The following ABCC4 variants were observed in gnomAD, a reference collection of about 807,000 sequenced individuals.
ABCC4 encodes ATP-binding cassette sub-family C member 4.
Under a neutral mutation model 168.5 loss-of-function variants are expected in ABCC4, and 102 were observed. The observed-to-expected ratio is 0.61, with a 90% CI of 0.52 to 0.71. ABCC4 has a LOEUF of 0.71. ABCC4 is among the 30% of genes least tolerant of loss of function. The pLI is 0.00. For synonymous variants in ABCC4, 617 were observed against 590.7 expected, an observed-to-expected ratio of 1.04 and a Z score of -0.65; for missense variants, 1,402 against 1,605.8, an observed-to-expected ratio of 0.87 and a Z score of 2.17.
At chr13:95,253,853 A>G (rs1383029515) in intron 1 of ABCC4, among the ~76,000 whole-genome samples, 1 of 152,152 alleles carries the variant, frequency 6.6e-6, no homozygotes, top group Non-Finnish European at 1.5e-5. Flanking sequence ...TGTTCCTTCA[A>G]ATGTGGGCAA....
At chr13:95,104,243 A>G (rs2034918102) in intron 20 of ABCC4, among the ~76,000 whole-genome samples, 1 of 152,074 alleles carries the variant, frequency 6.6e-6, no homozygotes, top group Admixed American at 6.6e-5. Flanking sequence ...CCTCCCAAGT[A>G]GCTGGGATTA....
chr13:95,207,714 A>G (rs2038822260), intron 7 of ABCC4, 86 bp downstream of exon 7: 7 of 1,432,198 alleles, frequency 4.9e-6, no homozygotes, highest in Non-Finnish European at 6.7e-6. Flanking sequence ...CCATAATGTG[A>G]AAACATAGTA....
chr13:95,044,713 G>C (rs1342881678), intron 27 of ABCC4, among the ~76,000 whole-genome samples: 1 of 152,142 alleles, frequency 6.6e-6, no homozygotes, highest in African/African-American at 2.4e-5. Context: ...GCAGGGTCAC[G>C]TGTTAATACT....
chr13:95,054,508 A>G (rs533395996), intron 26 of ABCC4, among the ~76,000 whole-genome samples: 8 of 151,982 alleles, frequency 5.3e-5, no homozygotes, highest in African/African-American at 1.9e-4. Context: ...AGATTCCGTC[A>G]CTGCACTCCA....
At chr13:95,058,345 C>T (rs1356074524) in intron 26 of ABCC4, among the ~76,000 whole-genome samples, 2 of 151,324 alleles carry the variant, frequency 1.3e-5, no homozygotes, top group East Asian at 1.9e-4. Flanking sequence ...CTGAGGCAGG[C>T]GGATCACAAG....
chr13:95,259,793 A>G (rs2040483832), intron 1 of ABCC4, among the ~76,000 whole-genome samples: 1 of 152,076 alleles, frequency 6.6e-6, no homozygotes, highest in South Asian at 2.1e-4. Context: ...CCAAGAGTTC[A>G]AGGCATCTAT....
At chr13:95,217,057 A>C (rs772175206) in intron 4 of ABCC4, among the ~76,000 whole-genome samples, 1 of 152,220 alleles carries the variant, frequency 6.6e-6, no homozygotes, top group Non-Finnish European at 1.5e-5. Flanking sequence ...CAATACTGTG[A>C]ATGGTGGAAG....
chr13:95,163,488 C>T (rs1316645623), intron 17 of ABCC4, 122 bp downstream of exon 17: 3 of 954,088 alleles, frequency 3.1e-6, no homozygotes, highest in Admixed American at 2.6e-5. Context: ...AATTTTTCTT[C>T]GGGTAAACGA....
intron 4 of ABCC4, among the ~76,000 whole-genome samples, chr13:95,227,684 A>T (rs2039502780): frequency 6.6e-6 from 1 of 152,220 alleles, no homozygotes; most frequent in African/African-American, 2.4e-5. Context: ...CTAGTTTTGT[A>T]AAAAGGCCCA....
intron 19 of ABCC4, among the ~76,000 whole-genome samples, chr13:95,138,735 C>A (rs1387098551): frequency 6.6e-6 from 1 of 152,232 alleles, no homozygotes; most frequent in Non-Finnish European, 1.5e-5. Context: ...GGAGCTCCGG[C>A]AAGCACCGAA....
chr13:95,273,809 T>C (rs2040901514), intron 1 of ABCC4, among the ~76,000 whole-genome samples: 1 of 122,910 alleles, frequency 8.1e-6, no homozygotes, highest in African/African-American at 3.4e-5. Flanking sequence ...GGTTTTTTTT[T>C]TGGTTTGTTT....
At chr13:95,128,690 C>T (rs932788600) in intron 19 of ABCC4, among the ~76,000 whole-genome samples, 3 of 152,306 alleles carry the variant, frequency 2.0e-5, no homozygotes, top group Non-Finnish European at 2.9e-5. Flanking sequence ...TAGACGCAGA[C>T]GATTAACCAC....
chr13:95,195,134 A>G (rs752979138), intron 8 of ABCC4, among the ~76,000 whole-genome samples, 197 bp from the exon 9 acceptor site: 1 of 152,206 alleles, frequency 6.6e-6, no homozygotes, highest in South Asian at 2.1e-4. Context: ...GTTCATGGCC[A>G]TGAACTATCT....
chr13:95,211,152 G>A (rs1361237327), intron 4 of ABCC4, among the ~76,000 whole-genome samples: 4 of 152,178 alleles, frequency 2.6e-5, no homozygotes, highest in African/African-American at 7.2e-5. Context: ...CTATAAATCC[G>A]TACCAATCAC....
chr13:95,153,463 GAGAGAGAC>G (rs1440579703), intron 19 of ABCC4, among the ~76,000 whole-genome samples: 1 of 151,252 alleles, frequency 6.6e-6, no homozygotes, highest in Non-Finnish European at 1.5e-5. Context: ...TACATATATC[GAGAGAGAC>G]AGAGAGAGAG....
intron 20 of ABCC4, among the ~76,000 whole-genome samples, chr13:95,098,166 T>C (rs1199064005): frequency 7.0e-6 from 1 of 142,642 alleles, no homozygotes; most frequent in Non-Finnish European, 1.5e-5. Context: ...AACTCATAAA[T>C]ATTCTGAACT....
At chr13:95,063,327 T>C (rs2033373675) in intron 25 of ABCC4, among the ~76,000 whole-genome samples, 1 of 152,218 alleles carries the variant, frequency 6.6e-6, no homozygotes, top group Admixed American at 6.5e-5. Flanking sequence ...TCTGAGATAA[T>C]TTCACAGGGA....
rs762141715 is a variant in ABCC4 at position 95,166,240 on chromosome 13, T to A, written c.1952A>T (p.Asn651Ile). 1.2e-6 allele frequency: 2 copies of A among 1,614,128 alleles called. No homozygotes were observed. The highest frequency in any genetic ancestry group is 2.2e-5 in the East Asian group (1 of 44,874). ...PPVPGTPTLRNRTFSESSVWS... is the reference protein window; with the variant it reads ...PPVPGTPTLRIRTFSESSVWS... ...AACCGAAGACTCTGAGAAGGTACGA[T>A]TCCTTAGTGTGGGAGTTCCTGGAAC... The change falls in exon 15 of 31, where the codon AAT (asparagine) becomes ATT (isoleucine). Residue 651 changes from asparagine to isoleucine, a missense_variant. Physicochemically the swap from Asn to Ile is moderately radical, Grantham distance 149 (BLOSUM62 -3). Transcript: ENST00000645237.
intron 19 of ABCC4, among the ~76,000 whole-genome samples, chr13:95,142,764 C>T (rs1295175466): frequency 6.6e-6 from 1 of 152,100 alleles, no homozygotes; most frequent in Non-Finnish European, 1.5e-5. Flanking sequence ...CAGTGTCTCA[C>T]TATAAAATAT....
Sources: allele counts gnomAD v4.1 joint callset (sites outside exome capture counted in the v4.1 genomes callset), GRCh38; gene constraint gnomAD v4.1.1; transcripts MANE v1.5; gene names NCBI Gene and HGNC (gene_info 2026-07-23, HGNC 2026-07-21).